The following UNC13C variants were observed in gnomAD, a reference collection of about 807,000 sequenced individuals.
The protein encoded by UNC13C is protein unc-13 homolog C.
A neutral mutation model predicts 245.4 loss-of-function variants in UNC13C; 174 were observed. That is an observed-to-expected ratio of 0.71 (90% CI 0.63 to 0.80). The LOEUF (loss-of-function observed/expected upper bound fraction) is 0.80, where lower values mean the gene tolerates loss of function less well. UNC13C is among the 30% of genes least tolerant of loss of function. The pLI, the probability that UNC13C is intolerant of heterozygous loss-of-function variation, is 0.00. For missense variants in UNC13C, 2,829 were observed against 2,602.9 expected, an observed-to-expected ratio of 1.09 and a Z score of -1.89; for synonymous variants, 992 against 895.1, an observed-to-expected ratio of 1.11 and a Z score of -1.93.
chr15:54,560,675 A>G (rs1341637841), intron 29 of UNC13C, among the ~76,000 whole-genome samples: 1 of 151,944 alleles, frequency 6.6e-6, no homozygotes, highest in Non-Finnish European at 1.5e-5. Context: ...TAAGGTGGCT[A>G]TGAATTACAA....
chr15:53,895,237 G>A, the UNC13C span, among the ~76,000 whole-genome samples: 1,263 of 149,104 alleles, frequency 8.5e-3, 21 homozygotes, highest in African/African-American at 0.03. Flanking sequence ...GGTCGCAGGC[G>A]TCTGTAATCC....
intron 2 of UNC13C, among the ~76,000 whole-genome samples, chr15:54,075,834 T>TATA (rs3082231): frequency 0.47 from 70,838 of 151,514 alleles, 18,488 homozygotes; most frequent in Non-Finnish European, 0.6. Context: ...CATCTTCAGA[T>TATA]ATAATGCCAG....
intron 17 of UNC13C, among the ~76,000 whole-genome samples, chr15:54,350,238 C>T (rs926287743): frequency 1.3e-5 from 2 of 152,180 alleles, no homozygotes; most frequent in Non-Finnish European, 2.9e-5. Context: ...GATCCGCCTG[C>T]CTCGGCCTCC....
At chr15:53,926,536 A>G in the UNC13C span, among the ~76,000 whole-genome samples, 2 of 152,214 alleles carry the variant, frequency 1.3e-5, no homozygotes, top group African/African-American at 4.8e-5. Flanking sequence ...TGTATCCTAT[A>G]TTCCATGCTA....
chr15:54,236,385 T>C (rs1401258174), intron 5 of UNC13C, 45 bp from the exon 6 acceptor site: 1 of 1,496,832 alleles, frequency 6.7e-7, no homozygotes, highest in South Asian at 1.1e-5. Flanking sequence ...CTTTCATGTA[T>C]CTAATTATTT....
At chr15:54,330,216 T>C (rs2038403583) in intron 14 of UNC13C, among the ~76,000 whole-genome samples, 1 of 151,982 alleles carries the variant, frequency 6.6e-6, no homozygotes. Flanking sequence ...CAAACACTAA[T>C]GTAACAAACA....
intron 10 of UNC13C, among the ~76,000 whole-genome samples, chr15:54,278,078 C>G (rs1596131998): frequency 6.6e-6 from 1 of 152,152 alleles, no homozygotes; most frequent in South Asian, 2.1e-4. Flanking sequence ...TCAATGCTCT[C>G]TACCGACCTA....
chr15:54,251,971 T>G (rs751407234), intron 8 of UNC13C, among the ~76,000 whole-genome samples: 1 of 152,198 alleles, frequency 6.6e-6, no homozygotes, highest in Admixed American at 6.5e-5. Flanking sequence ...TATTCTTTAT[T>G]TGAAAAATAA....
chr15:53,957,150 TG>T, the UNC13C span, among the ~76,000 whole-genome samples: 3 of 120,418 alleles, frequency 2.5e-5, no homozygotes, highest in African/African-American at 8.8e-5. Flanking sequence ...TTTGTTTGTT[TG>T]TTTTTTTTGA....
intron 24 of UNC13C, among the ~76,000 whole-genome samples, chr15:54,525,264 G>T (rs1023906174): frequency 3.9e-5 from 6 of 151,994 alleles, no homozygotes; most frequent in African/African-American, 1.4e-4. Context: ...TTTTTGTCAT[G>T]CCTTGCATCT....
Position 54,494,740 on chromosome 15 carries a change from T to A in UNC13C, c.5060+6T>A. 6.2e-7 allele frequency: 1 copy of A among 1,609,734 alleles called. No homozygotes were observed. The highest frequency in any genetic ancestry group is 8.5e-7 in the Non-Finnish European group (1 of 1,177,992). Reference sequence around the variant, plus strand: ...GCTGTTCCTGAATACTCCTTGTAAGTAGTGATTTTAACACACACACCCTCA... The same window carrying A: ...GCTGTTCCTGAATACTCCTTGTAAGAAGTGATTTTAACACACACACCCTCA... On this transcript the variant is annotated splice_donor_region_variant and intron_variant, in intron 20 of 32. Transcript: ENST00000260323.
chr15:54,483,129 T>A (rs1893218527), intron 19 of UNC13C, among the ~76,000 whole-genome samples: 1 of 152,190 alleles, frequency 6.6e-6, no homozygotes, highest in South Asian at 2.1e-4. Flanking sequence ...CTAAGTGTCT[T>A]TTCTTCTTAT....
chr15:54,113,422 A>G (rs753931248), intron 2 of UNC13C, among the ~76,000 whole-genome samples: 8 of 152,218 alleles, frequency 5.3e-5, no homozygotes, highest in Non-Finnish European at 1.0e-4. Context: ...GGAACAAAGA[A>G]GAAAGTCAGG....
intron 13 of UNC13C, among the ~76,000 whole-genome samples, chr15:54,301,727 T>A (rs2037588172): frequency 6.6e-6 from 1 of 152,208 alleles, no homozygotes; most frequent in Non-Finnish European, 1.5e-5. Flanking sequence ...TTTGCTATTA[T>A]GAACAGTGCT....
At chr15:54,492,654 G>A (rs1893772046) in intron 19 of UNC13C, among the ~76,000 whole-genome samples, 1 of 152,190 alleles carries the variant, frequency 6.6e-6, no homozygotes, top group Non-Finnish European at 1.5e-5. Flanking sequence ...GCAAGTGGGT[G>A]CTTGTTAATG....
At chr15:53,883,113 A>G in the UNC13C span, among the ~76,000 whole-genome samples, 1 of 152,198 alleles carries the variant, frequency 6.6e-6, no homozygotes, top group South Asian at 2.1e-4. Flanking sequence ...CTACCACACC[A>G]GAGAAAACTA....
chr15:54,311,034 T>A (rs1055423754), intron 13 of UNC13C, among the ~76,000 whole-genome samples: 2 of 151,762 alleles, frequency 1.3e-5, no homozygotes, highest in African/African-American at 4.8e-5. Flanking sequence ...ATTGTTTTGG[T>A]ACTAGGAGCT....
At chr15:54,575,777 A>G (rs765356611) in intron 30 of UNC13C, among the ~76,000 whole-genome samples, 18 of 152,220 alleles carry the variant, frequency 1.2e-4, no homozygotes, top group South Asian at 2.1e-4. Context: ...CAGCAGGTCT[A>G]TGTCACTCTC....
At chr15:54,278,011 C>G (rs1020871310) in intron 10 of UNC13C, among the ~76,000 whole-genome samples, 15 of 152,032 alleles carry the variant, frequency 9.9e-5, no homozygotes, top group African/African-American at 3.6e-4. Flanking sequence ...CCTTAGATAA[C>G]TTTCTGTTTA....
Sources: allele counts gnomAD v4.1 joint callset (sites outside exome capture counted in the v4.1 genomes callset), GRCh38; gene constraint gnomAD v4.1.1; transcripts MANE v1.5; gene names NCBI Gene and HGNC (gene_info 2026-07-23, HGNC 2026-07-21).